Variants in GPALPP1 observed in about 807,000 individuals in gnomAD.
GPALPP1 encodes GPALPP motifs-containing protein 1.
GPALPP1 carries 30 observed loss-of-function variants against 38.9 expected under a neutral mutation model. The ratio of observed to expected loss-of-function variants is 0.77; its 90% CI spans 0.58 to 1.05. The LOEUF (loss-of-function observed/expected upper bound fraction) is 1.05, where lower values mean the gene tolerates loss of function less well. Among genes scored for constraint, GPALPP1 ranks in the 50% least tolerant of loss-of-function variants. The probability of loss-of-function intolerance (pLI) is 0.00; values close to 1 mark genes in which losing one functional copy is unlikely to be tolerated. For missense variants in GPALPP1, 384 were observed against 408.8 expected (o/e 0.94, Z 0.52); for synonymous variants, 120 against 139.2 (o/e 0.86, Z 0.97).
At chr13:44,996,572 C>T (rs1873293908) in intron 1 of GPALPP1, among the ~76,000 whole-genome samples, 1 of 151,618 alleles carries the variant, frequency 6.6e-6, no homozygotes, top group South Asian at 2.1e-4. Context: ...CAACCTCTGC[C>T]TCCTGGTTCA....
chr13:45,000,102 TA>T (rs1415678632), intron 1 of GPALPP1, among the ~76,000 whole-genome samples: 3 of 152,164 alleles, frequency 2.0e-5, no homozygotes, highest in Non-Finnish European at 4.4e-5. Flanking sequence ...TTTGTTTCTT[TA>T]AAAATCCATG....
chr13:45,016,463 C>CA (rs1440212377), intron 6 of GPALPP1, among the ~76,000 whole-genome samples: 4 of 151,542 alleles, frequency 2.6e-5, no homozygotes, highest in Non-Finnish European at 5.9e-5. Context: ...CAAAAAAAAA[C>CA]AAAAAAACAA....
At chr13:45,000,904 A>G (rs1873626448) in intron 1 of GPALPP1, among the ~76,000 whole-genome samples, 1 of 152,178 alleles carries the variant, frequency 6.6e-6, no homozygotes, top group African/African-American at 2.4e-5. Context: ...ATTCTTTTCT[A>G]AGGCATGTTA....
intron 3 of GPALPP1, 48 bp downstream of exon 3, chr13:45,006,351 C>T: frequency 1.1e-6 from 1 of 872,208 alleles, no homozygotes; most frequent in Non-Finnish European, 1.8e-6. Flanking sequence ...AATATTTTAA[C>T]TAATGAATCT....
chr13:45,006,336 CT>C, intron 3 of GPALPP1, 33 bp downstream of exon 3: 1 of 1,044,696 alleles, frequency 9.6e-7, no homozygotes, highest in African/African-American at 1.6e-5. Context: ...GCCAGTCTTT[CT>C]TTAAATATTT....
At chr13:45,023,366 A>C (rs1042582982) in intron 7 of GPALPP1, among the ~76,000 whole-genome samples, 5 of 152,230 alleles carry the variant, frequency 3.3e-5, no homozygotes, top group Non-Finnish European at 7.3e-5. Context: ...GAATTTGAGC[A>C]CTTGAATTGT....
At chr13:45,009,021 G>A in intron 4 of GPALPP1, 142 bp downstream of exon 4, 1 of 706,586 alleles carries the variant, frequency 1.4e-6, no homozygotes, top group Non-Finnish European at 2.6e-6. Context: ...GTTATATTCA[G>A]ATTAATTTAA....
rs139330206 is a variant in GPALPP1 at position 45,024,969 on chromosome 13, T to C, written c.805-2816T>C. Among the ~76,000 whole-genome samples, 888 of 152,262 alleles carry C rather than the reference T, an allele frequency of 5.8e-3. 10 individuals carry two copies. The highest frequency in any genetic ancestry group is 0.02 in the African/African-American group (833 of 41,542). The stretch of plus-strand genomic sequence containing the variant: ...CTCTTTTAGTGAAAGACTTTTTTTC[T>C]AGTTAGTTCCTGGTCTTTGGATGAA... On this transcript the variant is annotated intron_variant, in intron 7 of 7. Coordinates refer to ENST00000379151, the MANE Select transcript of GPALPP1 (RefSeq NM_018559.5).
chr13:45,000,376 G>A lies in GPALPP1; in HGVS notation c.89-3929G>A, dbSNP rs1873586872. ...GGCCAGGAGTTCAAGGTTACAGTGA[G>A]CCATGATCACTGCTTTCTAACCCAG... is the stretch of plus-strand genomic sequence containing the variant. On this transcript the variant is annotated intron_variant, in intron 1 of 7. Coordinates refer to ENST00000379151, the MANE Select transcript of GPALPP1 (RefSeq NM_018559.5). Among the ~76,000 whole-genome samples, 2 of 152,180 alleles carry A rather than the reference G, an allele frequency of 1.3e-5. 1 individual carries two copies. Among genetic ancestry groups the A allele is most frequent in the South Asian group, 4.1e-4 (2 of 4,830 alleles).
At chr13:45,021,278 A>AATATATAT (rs1875410816) in intron 7 of GPALPP1, among the ~76,000 whole-genome samples, 1 of 152,224 alleles carries the variant, frequency 6.6e-6, no homozygotes, top group Admixed American at 6.5e-5. Context: ...TAAGCTCTAA[A>AATATATAT]ATATAGTTAG....
At chr13:44,990,418 A>G (rs974196503) in intron 1 of GPALPP1, 2 of 155,176 alleles carry the variant, frequency 1.3e-5, no homozygotes, top group Admixed American at 1.3e-4. Context: ...ACCTTTCCAG[A>G]TTCCCCGAAG....
rs370527671 is a variant in GPALPP1 at position 45,024,262 on chromosome 13, C to G, written c.805-3523C>G. Among the ~76,000 whole-genome samples, 2 of 24,238 alleles carry G rather than the reference C, an allele frequency of 8.3e-5. 1 individual carries two copies. Among genetic ancestry groups the G allele is most frequent in the Non-Finnish European group, 1.7e-4 (2 of 12,068 alleles). 15.9% of individuals were successfully genotyped at this position (24,238 alleles called of 152,430 possible). ...TTTTTGCTTGGTATCCCCTAAAACT[C>G]TGTGTGTGTGTGTGTGTGTGTGTGT... On this transcript the variant is annotated intron_variant, in intron 7 of 7. Transcript: ENST00000379151.
intron 7 of GPALPP1, among the ~76,000 whole-genome samples, chr13:45,026,735 C>T (rs1875859631): frequency 6.6e-6 from 1 of 152,148 alleles, no homozygotes; most frequent in Admixed American, 6.5e-5. Flanking sequence ...ATACCCATTT[C>T]TAAAGGACAC....
At chr13:44,993,644 T>C (rs965471242) in intron 1 of GPALPP1, among the ~76,000 whole-genome samples, 17 of 150,114 alleles carry the variant, frequency 1.1e-4, no homozygotes, top group South Asian at 8.4e-4. Context: ...ATCGCGCCAC[T>C]GCACTCCAGC....
chr13:45,006,325 G>A lies in GPALPP1; in HGVS notation c.323+22G>A, dbSNP rs560093994. On this transcript the variant is annotated intron_variant, in intron 3 of 7. Coordinates refer to ENST00000379151, the MANE Select transcript of GPALPP1 (RefSeq NM_018559.5). ...CAAGGTGATAATGTGTAATATTTTA[G>A]GCCAGTCTTTCTTTAAATATTTTAA... 3 of 1,189,628 alleles carry A rather than the reference G, an allele frequency of 2.5e-6. No individual in the cohort carries two copies. In the Admixed American group the frequency reaches 6.3e-5, roughly 25 times the overall value. The allele number at this position is 1,189,628 out of a possible 1,614,324, so 73.7% of individuals were successfully genotyped here. A position where few individuals can be genotyped will look rare whatever the true frequency, so the allele number is the denominator to read the frequency against.
At chr13:44,989,966 C>G in intron 1 of GPALPP1, 1 of 592,968 alleles carries the variant, frequency 1.7e-6, no homozygotes, top group Non-Finnish European at 3.0e-6. Flanking sequence ...GATGATAATA[C>G]ATTCTCATTT....
intron 6 of GPALPP1, among the ~76,000 whole-genome samples, chr13:45,017,664 T>G (rs1874971483): frequency 6.6e-6 from 1 of 152,102 alleles, no homozygotes; most frequent in Non-Finnish European, 1.5e-5. Context: ...ATGTAGGGAG[T>G]CTTCCTTGGA....
intron 1 of GPALPP1, among the ~76,000 whole-genome samples, chr13:45,000,708 C>T (rs1394154864): frequency 6.6e-6 from 1 of 152,136 alleles, no homozygotes; most frequent in Non-Finnish European, 1.5e-5. Context: ...GCCAATCACT[C>T]CTGTGGGGTC....
chr13:45,017,919 G>A (rs1011756847), intron 6 of GPALPP1, among the ~76,000 whole-genome samples: 1 of 152,144 alleles, frequency 6.6e-6, no homozygotes, highest in African/African-American at 2.4e-5. Context: ...GTATCACAGA[G>A]CTATTCATTT....
Sources: allele counts gnomAD v4.1 joint callset (sites outside exome capture counted in the v4.1 genomes callset), GRCh38; gene constraint gnomAD v4.1.1; transcripts MANE v1.5; gene names NCBI Gene and HGNC (gene_info 2026-07-23, HGNC 2026-07-21).